The following KCNJ18 variants were observed in gnomAD, a reference collection of about 807,000 sequenced individuals.
KCNJ18 encodes the protein potassium inwardly rectifying channel subfamily J member 18, also known as inward rectifier potassium channel 18.
A neutral mutation model predicts 17.3 loss-of-function variants in KCNJ18; 16 were observed. That is an observed-to-expected ratio of 0.92 (90% confidence interval 0.62 to 1.40). The LOEUF is 1.40. Among genes scored for constraint, KCNJ18 ranks in the 40% most tolerant of loss-of-function variants. KCNJ18 has a pLI of 0.00. For missense variants in KCNJ18, 462 were observed against 626.8 expected, an observed-to-expected ratio of 0.74 and a Z score of 2.81; for synonymous variants, 185 against 262.6, an observed-to-expected ratio of 0.70 and a Z score of 2.86.
At chr17:21,694,929 A>G (rs1360849259) in intron 1 of KCNJ18, among the ~76,000 whole-genome samples, 1 of 150,690 alleles carries the variant, frequency 6.6e-6, no homozygotes, top group African/African-American at 2.5e-5. Flanking sequence ...TTCTTCACTC[A>G]CCCATCCACT....
rs1458390530 is a variant in KCNJ18 at position 21,697,283 on chromosome 17, C to T, written c.-57+1179C>T. The stretch of plus-strand genomic sequence containing the variant: ...ATGCCCTGCACACAGTGATGTGTTG[C>T]TGCTGCCTCTCTCCTCGGGCCTAGC... On this transcript the variant is annotated intron_variant, in intron 2 of 2. Coordinates refer to ENST00000567955, the MANE Select transcript of KCNJ18 (RefSeq NM_001194958.2). Among the ~76,000 whole-genome samples the T allele has an allele frequency of 3.3e-5, 5 of 152,426 alleles. No individual in the cohort carries two copies. In the East Asian group the frequency reaches 9.6e-4, roughly 29 times the overall value.
chr17:21,703,118 AC>A lies in KCNJ18; in HGVS notation c.334del (p.Leu112TrpfsTer13), dbSNP rs1906026045. ...IFWVIAVAHG[D>X]LEPAEGHGRT... ...TGGGTCATCGCGGTGGCACACGGTG[AC>A]CTGGAGCCGGCTGAGGGCCACGGCC... On this transcript the variant is annotated frameshift_variant, in exon 3 of 3. Transcript: ENST00000567955. LOFTEE classifies it high-confidence loss of function. 6.2e-7 allele frequency: 1 copy of A among 1,611,990 alleles called. No individual in the cohort carries two copies. Among genetic ancestry groups the A allele is most frequent in the African/African-American group, 1.3e-5 (1 of 75,032 alleles).
intron 1 of KCNJ18, among the ~76,000 whole-genome samples, chr17:21,693,095 C>T (rs1319903923): frequency 0.11 from 15,057 of 138,558 alleles, no homozygotes; most frequent in African/African-American, 0.19. Flanking sequence ...GCCCACCTCC[C>T]CATCCAGGAT....
intron 2 of KCNJ18, among the ~76,000 whole-genome samples, chr17:21,699,493 A>G (rs1478270872): frequency 3.5e-5 from 5 of 143,026 alleles, no homozygotes; most frequent in Admixed American, 6.9e-5. Context: ...TCTCTCTCTC[A>G]CACACACACA....
At chr17:21,695,180 C>T (rs1332788513) in intron 1 of KCNJ18, among the ~76,000 whole-genome samples, 2 of 143,628 alleles carry the variant, frequency 1.4e-5, no homozygotes, top group African/African-American at 2.6e-5. Flanking sequence ...TCTATCCAAC[C>T]ATCCATCCAT....
At chr17:21,692,814 C>T (rs1905639791) in intron 1 of KCNJ18, 100 bp downstream of exon 1, 1 of 152,538 alleles carries the variant, frequency 6.6e-6, no homozygotes, top group Non-Finnish European at 1.5e-5. Flanking sequence ...TGCCACCTCC[C>T]AGAGACCCGC....
Position 21,703,971 on chromosome 17 carries a change from C to G in KCNJ18, c.1185C>G (p.Asp395Glu). The change falls in exon 3 of 3, where the codon GAC becomes GAG. Residue 395 changes from aspartate (D) to glutamate (E), a missense_variant. Asp to Glu is a conservative substitution (Grantham distance 45). Transcript: ENST00000567955. ...ACGAGGAGGATGAGGCGGACGGAGA[C>G]CAGGACGGCCGAAGCCGGGATGGCC... ...SRDEEDEADGDQDGRSRDGLS... is the reference protein window; with the variant it reads ...SRDEEDEADGEQDGRSRDGLS... The G allele has an allele frequency of 6.2e-7, 1 of 1,604,318 alleles. No individual in the cohort carries two copies. Among genetic ancestry groups the G allele is most frequent in the Non-Finnish European group, 8.5e-7 (1 of 1,177,098 alleles).
rs1224963318 is a variant in KCNJ18 at position 21,703,287 on chromosome 17, C to T, written c.501C>T (p.Ile167=). 2.3e-5 allele frequency: 37 copies of T among 1,608,634 alleles called. No homozygotes were observed. The highest frequency in any genetic ancestry group is 1.4e-4 in the South Asian group (13 of 90,968). Residue 167 remains isoleucine, a synonymous_variant, in exon 3 of 3, where the codon ATC becomes ATT. Transcript: ENST00000567955. ...TCTTCATGGTGGTGGCCCAGTCCAT[C>T]GTGGGCTGCATCATCGACTCCTTCA... ...VAVFMVVAQS[I]VGCIIDSFMI...
rs1301202166 is a variant in KCNJ18 at position 21,702,924 on chromosome 17, C to T, written c.138C>T (p.Phe46=). 30 of 1,592,610 alleles carry T rather than the reference C, an allele frequency of 1.9e-5. No homozygotes were observed. Among genetic ancestry groups the T allele is most frequent in the East Asian group, 4.7e-5 (2 of 42,572 alleles). The change falls in exon 3 of 3, where the codon TTC becomes TTT. Residue 46 remains phenylalanine, a synonymous_variant. Transcript: ENST00000567955. ...CGCGGCGCAGGTGCCGCAACCGCTT[C>T]GTCAAGAAGAATGGCCAGTGCAACA... ...VHTRRRCRNR[F]VKKNGQCNIA...
rs1157092491 is a variant in KCNJ18, at chr17:21,703,318, G to A, written c.532G>A (p.Gly178Ser). The A allele has an allele frequency of 1.9e-6, 3 of 1,606,748 alleles. No individual in the cohort carries two copies. The African/African-American group carries it at 4.0e-5, about 21-fold the overall frequency. ...VGCIIDSFMI[G>S]AIMAKMARPK... is the part of the protein sequence containing the mutation. Reference sequence around the variant, plus strand: ...CTGCATCATCGACTCCTTCATGATTGGTGCCATCATGGCCAAGATGGCAAG... The same window carrying A: ...CTGCATCATCGACTCCTTCATGATTAGTGCCATCATGGCCAAGATGGCAAG... Residue 178 changes from glycine (G) to serine (S), a missense_variant, in exon 3 of 3, where the codon GGT (glycine) becomes AGT (serine). Physicochemically the swap from Gly to Ser is moderately conservative, Grantham distance 56. Transcript: ENST00000567955.
At chr17:21,694,976 C>T (rs1364625741) in intron 1 of KCNJ18, among the ~76,000 whole-genome samples, 2 of 151,446 alleles carry the variant, frequency 1.3e-5, no homozygotes, top group South Asian at 2.1e-4. Context: ...ATCATCTGCC[C>T]ATCCATCCAT....
chr17:21,700,782 G>A (rs1380343705), intron 2 of KCNJ18, among the ~76,000 whole-genome samples: 3 of 79,786 alleles, frequency 3.8e-5, no homozygotes, highest in African/African-American at 1.4e-4. Context: ...CCTCCCTGGA[G>A]GGCTTGAGAG....
chr17:21,697,748 C>T (rs1905808228), intron 2 of KCNJ18, among the ~76,000 whole-genome samples: 1 of 152,308 alleles, frequency 6.6e-6, no homozygotes, highest in South Asian at 2.1e-4. Context: ...AAGGGCACCA[C>T]TGGCTCAGAG....
At chr17:21,693,981 G>T (rs1367806831) in intron 1 of KCNJ18, among the ~76,000 whole-genome samples, 1 of 152,170 alleles carries the variant, frequency 6.6e-6, no homozygotes, top group African/African-American at 2.4e-5. Context: ...GGACTGAAGG[G>T]CCACTAGAGA....
chr17:21,702,998 T>A lies in KCNJ18; in HGVS notation c.212T>A (p.Met71Lys). Residue 71 changes from methionine (M) to lysine (K), a missense_variant, in exon 3 of 3, where the codon ATG becomes AAG. Around this residue, in one of 5 missense-constraint regions of KCNJ18, gnomAD observed 237 missense variants for 259.4 expected, o/e 0.91. Coordinates refer to ENST00000567955, the MANE Select transcript of KCNJ18 (RefSeq NM_001194958.2). The part of the protein sequence containing the change: ...DEKSQRYLAD[M>K]FTTCVDIRWR... ...AAGTCACAGCGCTACCTGGCTGACATGTTCACCACCTGTGTGGACATCCGC... is the reference window on the plus strand; with the variant it reads ...AAGTCACAGCGCTACCTGGCTGACAAGTTCACCACCTGTGTGGACATCCGC... The A allele has an allele frequency of 6.2e-7, 1 of 1,610,600 alleles. No homozygotes were observed. The highest frequency in any genetic ancestry group is 1.7e-5 in the Admixed American group (1 of 59,632).
Position 21,702,749 on chromosome 17 carries a change from C to A in KCNJ18, c.-38C>A. 8 of 1,547,656 alleles carry A rather than the reference C, an allele frequency of 5.2e-6. No homozygotes were observed. Among genetic ancestry groups the A allele is most frequent in the Non-Finnish European group, 6.1e-6 (7 of 1,153,454 alleles). ...GTTCCAGGAGCCGCCCTGCCTGGAGCTAGCCTGGGGGTGAGCCAGGGTCCC... is the reference window on the plus strand; with the variant it reads ...GTTCCAGGAGCCGCCCTGCCTGGAGATAGCCTGGGGGTGAGCCAGGGTCCC... On this transcript the variant is annotated 5_prime_UTR_variant, in exon 3 of 3. Transcript: ENST00000567955.
intron 2 of KCNJ18, among the ~76,000 whole-genome samples, chr17:21,699,034 A>C (rs1302047359): frequency 9.2e-4 from 140 of 152,150 alleles, no homozygotes; most frequent in Non-Finnish European, 1.5e-3. Context: ...AACGGTCCTA[A>C]CTTTAGTAGT....
At chr17:21,697,610 G>T (rs1422022817) in intron 2 of KCNJ18, among the ~76,000 whole-genome samples, 1 of 152,248 alleles carries the variant, frequency 6.6e-6, no homozygotes, top group Non-Finnish European at 1.5e-5. Flanking sequence ...TCCCCCAGCA[G>T]TGCCCCTCCT....
chr17:21,693,200 A>G (rs1356280364), intron 1 of KCNJ18, among the ~76,000 whole-genome samples: 1 of 152,310 alleles, frequency 6.6e-6, no homozygotes, highest in East Asian at 1.9e-4. Flanking sequence ...AGCTCTGGCC[A>G]GGGCATCCGG....
Sources: gnomAD v4.1 joint callset for allele counts (sites outside exome capture counted in the v4.1 genomes callset) on GRCh38, gnomAD v4.1.1 for gene constraint, gnomAD v4.1.1 regional missense constraint, MANE v1.5 for transcripts, NCBI Gene and HGNC (gene_info 2026-07-23, HGNC 2026-07-21) for gene names.